Variants in CACHD1 observed in about 807,000 individuals in gnomAD.
CACHD1 encodes cache domain containing 1.
In CACHD1, 71 loss-of-function variants were observed where a neutral mutation model predicts 138.7. The observed-to-expected ratio is 0.51, with a 90% CI of 0.42 to 0.62. The LOEUF (loss-of-function observed/expected upper bound fraction) is 0.62. CACHD1 is among the 20% of genes least tolerant of loss of function. The pLI is 0.00. For synonymous variants in CACHD1, 578 were observed against 591.5 expected, an observed-to-expected ratio of 0.98 and a Z score of 0.33; for missense variants, 1,389 against 1,625.3, an observed-to-expected ratio of 0.85 and a Z score of 2.50.
intron 2 of CACHD1, among the ~76,000 whole-genome samples, chr1:64,563,272 C>T (rs1239632724): frequency 2.0e-5 from 3 of 151,764 alleles, no homozygotes; most frequent in African/African-American, 7.3e-5. Flanking sequence ...TTTATTTCTC[C>T]AAATATCTGC....
At chr1:64,503,821 T>C (rs1646352851) in intron 1 of CACHD1, among the ~76,000 whole-genome samples, 1 of 152,204 alleles carries the variant, frequency 6.6e-6, no homozygotes, top group African/African-American at 2.4e-5. Flanking sequence ...GATCATTGTT[T>C]TGGGCTCTAA....
chr1:64,682,234 G>C, intron 26 of CACHD1, 128 bp downstream of exon 26: 1 of 763,274 alleles, frequency 1.3e-6, no homozygotes, highest in Non-Finnish European at 2.2e-6. Flanking sequence ...GTTTATAAGA[G>C]CCCGAGGACA....
chr1:64,664,020 C>T (rs1354884816), intron 14 of CACHD1, among the ~76,000 whole-genome samples, 183 bp downstream of exon 14: 2 of 152,100 alleles, frequency 1.3e-5, no homozygotes, highest in African/African-American at 4.8e-5. Flanking sequence ...GATGAAGAAG[C>T]CCCGTGGGCC....
chr1:64,616,799 G>GACA (rs1647724341), intron 4 of CACHD1, among the ~76,000 whole-genome samples: 2 of 152,064 alleles, frequency 1.3e-5, no homozygotes, highest in African/African-American at 4.8e-5. Context: ...GACCATTAAG[G>GACA]TCATCTAAGA....
chr1:64,691,706 C>T lies in CACHD1; in HGVS notation c.*145C>T, dbSNP rs146954523. 11 of 665,210 alleles carry T rather than the reference C, an allele frequency of 1.7e-5. No homozygotes were observed. Among genetic ancestry groups the T allele is most frequent in the East Asian group, 2.7e-5 (1 of 36,660 alleles). 41.2% of individuals were successfully genotyped at this position (665,210 alleles called of 1,614,324 possible). ...GTTGTTTGAGTCATTTCCTGCCTGTCGACATGGTTAAAAACGAGAGAAACA... is the reference window on the plus strand; with the variant it reads ...GTTGTTTGAGTCATTTCCTGCCTGTTGACATGGTTAAAAACGAGAGAAACA... On this transcript the variant is annotated 3_prime_UTR_variant, in exon 27 of 27. Transcript: ENST00000651257.
In CACHD1 at chr1:64,680,274, A is replaced by C. The variant is rs1172141372; in HGVS notation, c.3406+518A>C. Among the ~76,000 whole-genome samples the C allele has an allele frequency of 2.0e-5, 3 of 152,224 alleles. No individual in the cohort carries two copies. In the East Asian group the frequency reaches 5.8e-4, roughly 29 times the overall value. On this transcript the variant is annotated intron_variant, in intron 24 of 26. Coordinates refer to ENST00000651257, the MANE Select transcript of CACHD1 (RefSeq NM_020925.4). ...GAGGCCGAGGTGGGTGGATCATTTG[A>C]GGTCAGGAGTTCAAGACCAGCCTGG...
intron 2 of CACHD1, among the ~76,000 whole-genome samples, chr1:64,558,706 T>C (rs990336893): frequency 3.3e-5 from 5 of 152,072 alleles, no homozygotes; most frequent in Admixed American, 2.6e-4. Context: ...ACAGAGTAAA[T>C]AGGCAACCTA....
chr1:64,685,971 T>G (rs1650358239), intron 26 of CACHD1, among the ~76,000 whole-genome samples: 1 of 152,030 alleles, frequency 6.6e-6, no homozygotes, highest in Non-Finnish European at 1.5e-5. Flanking sequence ...CCTGAAGAAA[T>G]TTACAGTCTA....
At chr1:64,523,169 A>C (rs1359438889) in intron 1 of CACHD1, among the ~76,000 whole-genome samples, 2 of 152,188 alleles carry the variant, frequency 1.3e-5, no homozygotes, top group Non-Finnish European at 2.9e-5. Context: ...TATCTTTCAG[A>C]GTTTTATGCA....
At chr1:64,629,624 T>G in intron 5 of CACHD1, 143 bp downstream of exon 5, 2 of 1,053,476 alleles carry the variant, frequency 1.9e-6, no homozygotes, top group Non-Finnish European at 2.6e-6. Context: ...GAATTCACCA[T>G]TTAGTATATG....
chr1:64,686,383 A>G (rs940655158), intron 26 of CACHD1, among the ~76,000 whole-genome samples: 2 of 152,216 alleles, frequency 1.3e-5, no homozygotes, highest in African/African-American at 2.4e-5. Context: ...TTATTTAGAA[A>G]TATTTTATGT....
At chr1:64,505,758 G>T (rs1646369569) in intron 1 of CACHD1, among the ~76,000 whole-genome samples, 2 of 119,480 alleles carry the variant, frequency 1.7e-5, no homozygotes, top group Non-Finnish European at 3.4e-5. Flanking sequence ...CCTTCCGGGC[G>T]CCCTCCTTCC....
intron 4 of CACHD1, among the ~76,000 whole-genome samples, chr1:64,625,179 A>G (rs1260967715): frequency 6.6e-6 from 1 of 152,218 alleles, no homozygotes; most frequent in Non-Finnish European, 1.5e-5. Flanking sequence ...GATGAGTGGG[A>G]ATTCTAAAGT....
At chr1:64,688,597 C>T (rs1162877761) in intron 26 of CACHD1, among the ~76,000 whole-genome samples, 2 of 152,144 alleles carry the variant, frequency 1.3e-5, no homozygotes, top group Non-Finnish European at 2.9e-5. Context: ...CTCCTCGAGG[C>T]CCATGCTCCA....
rs181769139 is a variant in CACHD1 at position 64,526,073 on chromosome 1, G to A, written c.199-24521G>A. 1.1e-3 allele frequency among the ~76,000 whole-genome samples: 172 copies of A among 152,286 alleles called. 1 individual carries two copies. Among genetic ancestry groups the A allele is most frequent in the African/African-American group, 3.9e-3 (161 of 41,550 alleles). ...CCGTGTCAGCTTCCTGGGATTTAGGGTCAGATGATGGTGAGTTTGAGCTCA... is the reference window on the plus strand; with the variant it reads ...CCGTGTCAGCTTCCTGGGATTTAGGATCAGATGATGGTGAGTTTGAGCTCA... On this transcript the variant is annotated intron_variant, in intron 1 of 26. Coordinates refer to ENST00000651257, the MANE Select transcript of CACHD1 (RefSeq NM_020925.4).
chr1:64,606,637 A>G (rs1647350360), intron 4 of CACHD1, among the ~76,000 whole-genome samples: 1 of 152,234 alleles, frequency 6.6e-6, no homozygotes, highest in African/African-American at 2.4e-5. Context: ...AGCCAAGACT[A>G]GACTGGACAA....
At chr1:64,564,996 T>A (rs1454353268) in intron 2 of CACHD1, among the ~76,000 whole-genome samples, 2 of 151,186 alleles carry the variant, frequency 1.3e-5, no homozygotes, top group Non-Finnish European at 2.9e-5. Flanking sequence ...GAATAATGAC[T>A]GGAGATACTC....
At chr1:64,530,652 C>T (rs968105630) in intron 1 of CACHD1, among the ~76,000 whole-genome samples, 1 of 151,990 alleles carries the variant, frequency 6.6e-6, no homozygotes, top group African/African-American at 2.4e-5. Flanking sequence ...GGGCGGATCA[C>T]CTGAGGTCAG....
intron 16 of CACHD1, among the ~76,000 whole-genome samples, chr1:64,668,709 A>C (rs1649720350): frequency 6.6e-6 from 1 of 152,168 alleles, no homozygotes; most frequent in African/African-American, 2.4e-5. Flanking sequence ...TGCAATATGA[A>C]ATCCCACGCA....
Sources: gnomAD v4.1 joint callset for allele counts (sites outside exome capture counted in the v4.1 genomes callset) on GRCh38, gnomAD v4.1.1 for gene constraint, MANE v1.5 for transcripts, NCBI Gene and HGNC (gene_info 2026-07-23, HGNC 2026-07-21) for gene names.